The following TMTC2 variants were observed in gnomAD, a reference collection of about 807,000 sequenced individuals.
The protein encoded by TMTC2 is transmembrane O-mannosyltransferase targeting cadherins 2, also known as protein O-mannosyl-transferase TMTC2.
A neutral mutation model predicts 82.4 loss-of-function variants in TMTC2; 43 were observed. That is an observed-to-expected ratio of 0.52 (90% confidence interval 0.41 to 0.67). The LOEUF (loss-of-function observed/expected upper bound fraction) is 0.67, where lower values mean the gene tolerates loss of function less well. Ranked by LOEUF, TMTC2 falls within the 30% of genes least tolerant of loss-of-function variation. The pLI is 0.00. For missense variants in TMTC2, 919 were observed against 1,012.4 expected, an observed-to-expected ratio of 0.91 and a Z score of 1.25; for synonymous variants, 408 against 381.9, an observed-to-expected ratio of 1.07 and a Z score of -0.80.
At chr12:82,916,481 G>T (rs1160696908) in intron 3 of TMTC2, among the ~76,000 whole-genome samples, 1 of 152,156 alleles carries the variant, frequency 6.6e-6, no homozygotes, top group African/African-American at 2.4e-5. Context: ...ACAAGTGCAT[G>T]CAAACCCCAA....
chr12:83,018,663 G>GGTTT (rs1555205894), intron 8 of TMTC2, among the ~76,000 whole-genome samples: 1 of 143,492 alleles, frequency 7.0e-6, no homozygotes, highest in African/African-American at 2.6e-5. Context: ...AAATTTGCGG[G>GGTTT]TTTTTTTTTT....
intron 8 of TMTC2, among the ~76,000 whole-genome samples, chr12:83,005,206 T>TAA (rs59772281): frequency 0.094 from 3,413 of 36,168 alleles, 95 homozygotes; most frequent in East Asian, 0.46. Context: ...TTTGTCTTAT[T>TAA]AAAAAAAAAA....
At chr12:82,933,639 T>C (rs981125552) in intron 4 of TMTC2, among the ~76,000 whole-genome samples, 3 of 152,306 alleles carry the variant, frequency 2.0e-5, no homozygotes, top group South Asian at 4.1e-4. Context: ...AAGATGTTTA[T>C]GACAGAGGCC....
chr12:82,690,301 G>T (rs1872522850), intron 1 of TMTC2: 1 of 856,902 alleles, frequency 1.2e-6, no homozygotes, highest in Admixed American at 6.2e-5. Flanking sequence ...GGATTCTGCT[G>T]CCCTCCAGGA....
chr12:83,103,152 ACCTGAGGATGGAGGTCCAATAT>A (rs1166165646), intron 11 of TMTC2, among the ~76,000 whole-genome samples: 1 of 152,208 alleles, frequency 6.6e-6, no homozygotes, highest in Non-Finnish European at 1.5e-5. Context: ...TGTAGAAGTG[ACCTGAGGATGGAGGTCCAATAT>A]CCTGAGGATA....
At chr12:83,103,693 T>C (rs1884301888) in intron 11 of TMTC2, among the ~76,000 whole-genome samples, 2 of 152,192 alleles carry the variant, frequency 1.3e-5, no homozygotes. Flanking sequence ...ATTCTGCCTC[T>C]GGGTCCCCCA....
intron 1 of TMTC2, among the ~76,000 whole-genome samples, chr12:82,744,862 A>C (rs1482706722): frequency 1.3e-5 from 2 of 152,228 alleles, no homozygotes; most frequent in Non-Finnish European, 2.9e-5. Context: ...TGGAAACTTC[A>C]GTCTGAAAAA....
At chr12:83,074,477 C>T (rs1005804110) in intron 11 of TMTC2, among the ~76,000 whole-genome samples, 1 of 152,030 alleles carries the variant, frequency 6.6e-6, no homozygotes, top group Non-Finnish European at 1.5e-5. Context: ...CAGGGCTAGG[C>T]GTGTCTGAGC....
chr12:83,098,571 T>C (rs1459600431), intron 11 of TMTC2, among the ~76,000 whole-genome samples: 1 of 152,240 alleles, frequency 6.6e-6, no homozygotes, highest in Non-Finnish European at 1.5e-5. Context: ...CTGTTAAAAA[T>C]ACCCTTTGAC....
At chr12:82,899,621 AAT>A (rs965241226) in intron 3 of TMTC2, among the ~76,000 whole-genome samples, 13 of 130,144 alleles carry the variant, frequency 1.0e-4, no homozygotes, top group Admixed American at 6.1e-4. Flanking sequence ...TATATATAAG[AAT>A]ATATATATGT....
chr12:82,752,330 C>G (rs10862500), intron 1 of TMTC2, among the ~76,000 whole-genome samples: 138,009 of 151,846 alleles, frequency 0.91, 64,257 homozygotes, highest in East Asian at 1. Context: ...ACTAAAAATA[C>G]AAAAAATTCG....
intron 4 of TMTC2, among the ~76,000 whole-genome samples, chr12:82,963,143 C>A (rs1042523136): frequency 1.3e-5 from 2 of 151,940 alleles, no homozygotes; most frequent in Non-Finnish European, 1.5e-5. Flanking sequence ...TGGTCATATA[C>A]ACCACAGACC....
intron 3 of TMTC2, among the ~76,000 whole-genome samples, chr12:82,903,709 C>T (rs978071893): frequency 6.6e-6 from 1 of 152,086 alleles, no homozygotes; most frequent in African/African-American, 2.4e-5. Context: ...CACCGCGCCC[C>T]GCCGATATTT....
intron 10 of TMTC2, among the ~76,000 whole-genome samples, chr12:83,053,790 G>T (rs1882438874): frequency 6.6e-6 from 1 of 152,082 alleles, no homozygotes; most frequent in South Asian, 2.1e-4. Context: ...TGACAAGTCA[G>T]AGGTATCAAA....
intron 3 of TMTC2, among the ~76,000 whole-genome samples, chr12:82,911,428 A>G (rs528308458): frequency 6.8e-6 from 1 of 146,008 alleles, no homozygotes; most frequent in Non-Finnish European, 1.5e-5. Context: ...TCACTTGACC[A>G]TGGCTTCTCA....
chr12:82,796,643 G>A (rs778494648), intron 1 of TMTC2, among the ~76,000 whole-genome samples: 16 of 152,092 alleles, frequency 1.1e-4, no homozygotes, highest in Admixed American at 2.0e-4. Context: ...TAATAAAGTT[G>A]TTCTAAGTGA....
Position 82,766,266 on chromosome 12 carries a change from G to C in TMTC2, c.83+78597G>C, listed in dbSNP as rs1008286687. The stretch of plus-strand genomic sequence containing the variant: ...TGCACTTTCCACTGTAGGCTTCCTG[G>C]AACATAGCAAAGGCATACTCTTATC... On this transcript the variant is annotated intron_variant, in intron 1 of 11. Coordinates refer to ENST00000321196, the MANE Select transcript of TMTC2 (RefSeq NM_152588.3). Among the ~76,000 whole-genome samples, 3 of 152,128 alleles carry C rather than the reference G, an allele frequency of 2.0e-5. No homozygotes were observed. The East Asian group carries it at 5.8e-4, about 29-fold the overall frequency.
At chr12:82,869,936 C>T (rs957240818) in intron 2 of TMTC2, among the ~76,000 whole-genome samples, 10 of 151,948 alleles carry the variant, frequency 6.6e-5, no homozygotes, top group Non-Finnish European at 1.0e-4. Flanking sequence ...GGAGAGACAA[C>T]GGTATATTCT....
At position 82,896,482 on chromosome 12, in the gene TMTC2, G is replaced by C. The variant is rs751465752; in HGVS notation, c.1319G>C (p.Arg440Thr). The change falls in exon 3 of 12, where the codon AGA (arginine) becomes ACA (threonine). Residue 440 changes from arginine (R) to threonine (T), a missense_variant. Transcript: ENST00000321196. Reference sequence around the variant, plus strand: ...TGCCTACTGATTACAGTGGGTGCTAGAGCCCTTTATGTCAAAGTCCAAAAG... The same window carrying C: ...TGCCTACTGATTACAGTGGGTGCTACAGCCCTTTATGTCAAAGTCCAAAAG... ...GFCLLITVGA[R>T]ALYVKVQKRF... The C allele has an allele frequency of 3.1e-6, 5 of 1,614,166 alleles. No individual in the cohort carries two copies. The highest frequency in any genetic ancestry group is 4.5e-5 in the East Asian group (2 of 44,868).
Sources: gnomAD v4.1 joint callset for allele counts (sites outside exome capture counted in the v4.1 genomes callset) on GRCh38, gnomAD v4.1.1 for gene constraint, MANE v1.5 for transcripts, NCBI Gene and HGNC (gene_info 2026-07-23, HGNC 2026-07-21) for gene names.